Variants in PODNL1 observed in about 807,000 individuals in gnomAD.
PODNL1 encodes the protein podocan like 1.
Under a neutral mutation model 45.1 loss-of-function variants are expected in PODNL1, and 50 were observed. That is an observed-to-expected ratio of 1.11 (90% CI 0.88 to 1.40). The LOEUF (loss-of-function observed/expected upper bound fraction) is 1.40. Among genes scored for constraint, PODNL1 ranks in the 40% most tolerant of loss-of-function variants. The pLI is 0.00. For synonymous variants in PODNL1, 406 were observed against 372.5 expected (o/e 1.09, Z -1.04); for missense variants, 788 against 793.3 (o/e 0.99, Z 0.08).
intron 8 of PODNL1, 98 bp downstream of exon 8, chr19:13,932,700 T>C (rs781243807): frequency 6.2e-6 from 10 of 1,601,728 alleles, no homozygotes; most frequent in African/African-American, 4.0e-5. Flanking sequence ...CTTGTTCTGA[T>C]TGCTTTACCA....
At chr19:13,952,259 T>C (rs975115257) in intron 1 of PODNL1, among the ~76,000 whole-genome samples, 2 of 152,270 alleles carry the variant, frequency 1.3e-5, no homozygotes, top group South Asian at 4.1e-4. Context: ...AGATCAAAGT[T>C]ATCTGGGCAG....
chr19:13,936,094 AG>A, intron 3 of PODNL1, 50 bp from the exon 4 acceptor site: 1 of 1,468,712 alleles, frequency 6.8e-7, no homozygotes. Context: ...TCTTGGGTGG[AG>A]GGGGAGTCTG....
At position 13,938,011 on chromosome 19, in the gene PODNL1, G is replaced by C. The variant is rs922958997; in HGVS notation, c.4-5C>G. The C allele has an allele frequency of 5.3e-6, 8 of 1,507,668 alleles. No homozygotes were observed. The African/African-American group carries it at 6.9e-5, about 13-fold the overall frequency. The allele number at this position is 1,507,668 out of a possible 1,614,324, so 93.4% of individuals were successfully genotyped here. On this transcript the variant is annotated splice_polypyrimidine_tract_variant and splice_region_variant and intron_variant, in intron 1 of 9. Coordinates refer to ENST00000588872, the MANE Select transcript of PODNL1 (RefSeq NM_001370095.3). ...GAGCAGCAGCAGGCTCGGCCACTGC[G>C]GGGGAGGGAGGGTCAGCGTGTCTCC...
At chr19:13,946,786 C>T (rs1972829923) in intron 1 of PODNL1, among the ~76,000 whole-genome samples, 1 of 152,084 alleles carries the variant, frequency 6.6e-6, no homozygotes, top group Admixed American at 6.6e-5. Flanking sequence ...GGTGCAGTGG[C>T]TCACGCCTGT....
chr19:13,948,208 T>C (rs935850068), intron 1 of PODNL1, among the ~76,000 whole-genome samples: 2 of 150,864 alleles, frequency 1.3e-5, no homozygotes, highest in East Asian at 1.9e-4. Flanking sequence ...CTTTTCTTTT[T>C]TTTTTTTTGA....
intron 1 of PODNL1, among the ~76,000 whole-genome samples, chr19:13,947,347 G>T (rs1972857010): frequency 6.6e-6 from 1 of 151,532 alleles, no homozygotes; most frequent in Admixed American, 6.6e-5. Flanking sequence ...TGGGCCTGGT[G>T]GTGCATGCCT....
At position 13,931,844 on chromosome 19, in the gene PODNL1, G is replaced by C. The variant is rs1167425981; in HGVS notation, c.1618C>G (p.Leu540Val). Residue 540 changes from leucine to valine, a missense_variant, in exon 10 of 10, where the codon CTG becomes GTG. By Grantham distance (32) the Leu-to-Val change is conservative (BLOSUM62 1). Coordinates refer to ENST00000588872, the MANE Select transcript of PODNL1 (RefSeq NM_001370095.3). ...ACCACACGCAGGTTTGGGAGCCCCAGGAAGGCCTCAGCCGCGATGCTCGTC... is the reference window on the plus strand; with the variant it reads ...ACCACACGCAGGTTTGGGAGCCCCACGAAGGCCTCAGCCGCGATGCTCGTC... Reference protein sequence around the residue: ...HMTSIAAEAFLGLPNLRVVDT... With the variant: ...HMTSIAAEAFVGLPNLRVVDT... 8 of 1,231,982 alleles carry C rather than the reference G, an allele frequency of 6.5e-6. No homozygotes were observed. Among genetic ancestry groups the C allele is most frequent in the Non-Finnish European group, 8.1e-6 (8 of 987,922 alleles). The allele number at this position is 1,231,982 out of a possible 1,614,324, so 76.3% of individuals were successfully genotyped here.
upstream of PODNL1, chr19:13,938,459 C>T (rs997973079): frequency 2.4e-5 from 30 of 1,266,138 alleles, no homozygotes; most frequent in Admixed American, 3.7e-5. Flanking sequence ...TCTCTGCTTT[C>T]GTAACCTCAG....
At chr19:13,950,993 G>A (rs1247160393) in intron 1 of PODNL1, among the ~76,000 whole-genome samples, 2 of 144,908 alleles carry the variant, frequency 1.4e-5, no homozygotes, top group Admixed American at 1.4e-4. Context: ...AGGGTGCAGT[G>A]AGTTGAGATT....
chr19:13,946,447 G>A (rs1039736642), intron 1 of PODNL1, among the ~76,000 whole-genome samples: 11 of 150,416 alleles, frequency 7.3e-5, no homozygotes, highest in African/African-American at 2.7e-4. Flanking sequence ...AAAAAAAATT[G>A]AGTTTCTATC....
chr19:13,932,741 C>T lies in PODNL1; in HGVS notation c.1425+57G>A, dbSNP rs772775721. ...CTAGAATGTTTGGGACGTGGCAGGGCAGGCAGGGGGATGGAGGGGCCCTGG... is the reference window on the plus strand; with the variant it reads ...CTAGAATGTTTGGGACGTGGCAGGGTAGGCAGGGGGATGGAGGGGCCCTGG... On this transcript the variant is annotated intron_variant, in intron 8 of 9. Coordinates refer to ENST00000588872, the MANE Select transcript of PODNL1 (RefSeq NM_001370095.3). 4.3e-6 allele frequency: 7 copies of T among 1,611,372 alleles called. No individual in the cohort carries two copies. The East Asian group carries it at 1.1e-4, about 26-fold the overall frequency.
rs1347708311 is a variant in PODNL1 at position 13,933,365 on chromosome 19, G to T, written c.858C>A (p.His286Gln). The T allele has an allele frequency of 3.7e-6, 6 of 1,608,204 alleles. No individual in the cohort carries two copies. The highest frequency in any genetic ancestry group is 5.1e-6 in the Non-Finnish European group (6 of 1,179,182). Reference protein sequence around the residue: ...AGLPRTLAILHLGRNRIRQVE... With the variant: ...AGLPRTLAILQLGRNRIRQVE... ...CCTGCCGGATGCGGTTGCGGCCCAG[G>T]TGCAGGATAGCCAGGGTCCGGGGCA... The change falls in exon 8 of 10, where the codon CAC (histidine) becomes CAA (glutamine). Residue 286 changes from histidine to glutamine, a missense_variant. Physicochemically the swap from His to Gln is conservative, Grantham distance 24. Transcript: ENST00000588872. The surrounding 1 kb of genome is among the most constrained non-coding windows in gnomAD (Gnocchi z 5.2).
chr19:13,945,629 G>A lies in PODNL1; in HGVS notation c.18+7490C>T, dbSNP rs141227534. Among the ~76,000 whole-genome samples the A allele has an allele frequency of 8.4e-3, 1,272 of 151,956 alleles. 15 individuals carry two copies. Among genetic ancestry groups the A allele is most frequent in the African/African-American group, 0.029 (1,218 of 41,478 alleles). On this transcript the variant is annotated intron_variant, in intron 1 of 7. Coordinates refer to the PODNL1 transcript ENST00000538371. Reference sequence around the variant, plus strand: ...AGCCTCCTGAGTAGTTGGAATTACAGGTGCCTGCCACTGCGCCCAGCTAAT... The same window carrying A: ...AGCCTCCTGAGTAGTTGGAATTACAAGTGCCTGCCACTGCGCCCAGCTAAT...
chr19:13,947,253 G>A (rs1410995492), intron 1 of PODNL1, among the ~76,000 whole-genome samples: 2 of 150,542 alleles, frequency 1.3e-5, no homozygotes, highest in Non-Finnish European at 2.9e-5. Context: ...GGCCAAGGCA[G>A]GTGGATCACC....
chr19:13,952,707 G>A, intron 1 of PODNL1: 2 of 1,265,392 alleles, frequency 1.6e-6, no homozygotes, highest in Non-Finnish European at 2.0e-6. Context: ...GAGGGAGGCG[G>A]AGGGAGGAGG....
At chr19:13,952,074 C>A (rs1298613794) in intron 1 of PODNL1, among the ~76,000 whole-genome samples, 2 of 152,200 alleles carry the variant, frequency 1.3e-5, no homozygotes, top group South Asian at 2.1e-4. Flanking sequence ...GCTCGTCAGG[C>A]CTTTGCCCAC....
At chr19:13,932,717 T>C in intron 8 of PODNL1, 81 bp downstream of exon 8, 1 of 1,608,136 alleles carries the variant, frequency 6.2e-7, no homozygotes, top group South Asian at 1.1e-5. Context: ...ACCAGCTAAC[T>C]AGAATGTTTG....
chr19:13,938,994 C>T (rs886868713), upstream of PODNL1, among the ~76,000 whole-genome samples: 1 of 152,076 alleles, frequency 6.6e-6, no homozygotes, highest in Non-Finnish European at 1.5e-5. Context: ...CTGGCATATC[C>T]CAGGGCTTTG....
At chr19:13,950,090 AG>A (rs149273974) in intron 1 of PODNL1, among the ~76,000 whole-genome samples, 29,811 of 151,632 alleles carry the variant, frequency 0.2, 3,208 homozygotes, top group Admixed American at 0.34. Flanking sequence ...GGATGGTCTC[AG>A]TCTCATGACC....
Sources: gnomAD v4.1 joint callset for allele counts (sites outside exome capture counted in the v4.1 genomes callset) on GRCh38, gnomAD v4.1.1 for gene constraint, Gnocchi (gnomAD v3.1) non-coding constraint, MANE v1.5 for transcripts, NCBI Gene and HGNC (gene_info 2026-07-23, HGNC 2026-07-21) for gene names.